The following PDZRN4 variants were observed in gnomAD, a reference collection of about 807,000 sequenced individuals.
The protein encoded by PDZRN4 is PDZ domain containing ring finger 4.
In PDZRN4, 70 loss-of-function variants were observed where a neutral mutation model predicts 99.0. That is an observed-to-expected ratio of 0.71 (90% confidence interval 0.58 to 0.86). PDZRN4 has a LOEUF of 0.86. PDZRN4 is among the 40% of genes least tolerant of loss of function. PDZRN4 has a pLI of 0.00. For missense variants in PDZRN4, 1,474 were observed against 1,331.2 expected, an observed-to-expected ratio of 1.11 and a Z score of -1.67; for synonymous variants, 551 against 501.6, an observed-to-expected ratio of 1.10 and a Z score of -1.32.
chr12:41,545,463 A>G (rs1173165787), intron 5 of PDZRN4, among the ~76,000 whole-genome samples: 2 of 151,422 alleles, frequency 1.3e-5, no homozygotes, highest in African/African-American at 2.4e-5. Context: ...ACTGACTACC[A>G]TGTCCACAAG....
chr12:41,544,413 G>A (rs539463275), intron 5 of PDZRN4, among the ~76,000 whole-genome samples: 22 of 152,232 alleles, frequency 1.4e-4, no homozygotes, highest in Non-Finnish European at 2.9e-4. Flanking sequence ...ACCCAACTTC[G>A]CTTTAGCAGT....
At chr12:41,414,041 G>GA (rs911189629) in intron 3 of PDZRN4, among the ~76,000 whole-genome samples, 3 of 151,848 alleles carry the variant, frequency 2.0e-5, no homozygotes, top group South Asian at 2.1e-4. Context: ...TTGCTTGTCT[G>GA]AAAAAAAATT....
At chr12:41,268,730 A>G (rs753112888) in intron 3 of PDZRN4, among the ~76,000 whole-genome samples, 14 of 152,228 alleles carry the variant, frequency 9.2e-5, no homozygotes, top group Admixed American at 1.3e-4. Context: ...AGTCAGACTA[A>G]TGAAATCTCC....
chr12:41,545,962 G>A (rs1236625810), intron 5 of PDZRN4, among the ~76,000 whole-genome samples: 1 of 152,038 alleles, frequency 6.6e-6, no homozygotes, highest in Non-Finnish European at 1.5e-5. Context: ...TGAACTATCA[G>A]ATAACGTCAT....
intron 3 of PDZRN4, among the ~76,000 whole-genome samples, chr12:41,419,602 C>G (rs1464207606): frequency 2.0e-5 from 3 of 152,142 alleles, no homozygotes; most frequent in Non-Finnish European, 4.4e-5. Flanking sequence ...GAAAACCCAA[C>G]TAGTATTACA....
intron 3 of PDZRN4, among the ~76,000 whole-genome samples, chr12:41,292,154 T>C (rs891555405): frequency 6.6e-5 from 10 of 152,202 alleles, no homozygotes; most frequent in African/African-American, 1.7e-4. Flanking sequence ...ATGTAATCCA[T>C]ATTTACAACT....
intron 3 of PDZRN4, among the ~76,000 whole-genome samples, chr12:41,413,818 G>A (rs1016048746): frequency 1.3e-4 from 20 of 152,080 alleles, no homozygotes; most frequent in Non-Finnish European, 2.5e-4. Flanking sequence ...TTACATTCAA[G>A]GTTAATATTG....
At position 41,188,598 on chromosome 12, in the gene PDZRN4, GGAGGCGCCGGTGCCC is replaced by G. The variant is rs1423178978; in HGVS notation, c.145_159del (p.Arg49_Pro53del). The G allele has an allele frequency of 1.2e-5, 19 of 1,540,366 alleles. No individual in the cohort carries two copies. Among genetic ancestry groups the G allele is most frequent in the African/African-American group, 4.1e-5 (3 of 73,240 alleles). On this transcript the variant is annotated inframe_deletion, in exon 1 of 10. Transcript: ENST00000402685. The stretch of plus-strand genomic sequence containing the variant: ...AGCTGCCTGTTGCCCTGGGCGGTGC[GGAGGCGCCGGTGCCC>G]GCTGCAGTGCCAGCCCTTGGCGCCC...
intron 3 of PDZRN4, among the ~76,000 whole-genome samples, chr12:41,197,232 G>C (rs1175816568): frequency 6.6e-6 from 1 of 152,002 alleles, no homozygotes; most frequent in Non-Finnish European, 1.5e-5. Flanking sequence ...TAAAGGTTTT[G>C]TTCTGTTGGT....
rs189312254 is a variant in PDZRN4 at position 41,404,891 on chromosome 12, G to A, written c.844-101565G>A. 7.2e-5 allele frequency among the ~76,000 whole-genome samples: 11 copies of A among 152,024 alleles called. No homozygotes were observed. The East Asian group carries it at 1.7e-3, about 24-fold the overall frequency. The stretch of plus-strand genomic sequence containing the variant: ...GCAATGGGGAAAGGACTCCCTATTC[G>A]ACAAATGATGCTGGGATAACTGGCT... On this transcript the variant is annotated intron_variant, in intron 3 of 9. Transcript: ENST00000402685.
chr12:41,303,549 A>C (rs1213020978), intron 3 of PDZRN4, among the ~76,000 whole-genome samples: 1 of 152,202 alleles, frequency 6.6e-6, no homozygotes, highest in African/African-American at 2.4e-5. Context: ...ACATTCAGTT[A>C]GGTTTCCACA....
At chr12:41,313,590 C>G (rs747174313) in intron 3 of PDZRN4, among the ~76,000 whole-genome samples, 2 of 152,152 alleles carry the variant, frequency 1.3e-5, no homozygotes, top group Non-Finnish European at 2.9e-5. Context: ...CACTAATAGG[C>G]ACCTCTGTTG....
At chr12:41,356,935 AC>A (rs1242780111) in intron 3 of PDZRN4, among the ~76,000 whole-genome samples, 1 of 152,018 alleles carries the variant, frequency 6.6e-6, no homozygotes, top group African/African-American at 2.4e-5. Flanking sequence ...ACTTAGGTTT[AC>A]CAATCTGCAA....
In PDZRN4 at chr12:41,334,356, AGAAG is replaced by A. The variant is rs1241416023; in HGVS notation, c.843+140169_843+140172del. Among the ~76,000 whole-genome samples, 7 of 150,436 alleles carry A rather than the reference AGAAG, an allele frequency of 4.7e-5. No homozygotes were observed. The Admixed American group carries it at 4.7e-4, about 10-fold the overall frequency. On this transcript the variant is annotated intron_variant, in intron 3 of 9. Coordinates refer to ENST00000402685, the MANE Select transcript of PDZRN4 (RefSeq NM_001164595.2). ...AGTATACTAAATATAATGAAGCTTT[AGAAG>A]TATTCAGTGGGGAACATTAATGAAA...
chr12:41,224,772 G>C (rs1253651398), intron 3 of PDZRN4, among the ~76,000 whole-genome samples: 1 of 152,066 alleles, frequency 6.6e-6, no homozygotes, highest in East Asian at 1.9e-4. Context: ...ATAACAACAA[G>C]AGCTGCAACA....
At chr12:41,403,317 A>G (rs538438546) in intron 3 of PDZRN4, among the ~76,000 whole-genome samples, 2 of 152,154 alleles carry the variant, frequency 1.3e-5, no homozygotes, top group Non-Finnish European at 2.9e-5. Flanking sequence ...CATAACTTCA[A>G]TTGTAAAACA....
intron 3 of PDZRN4, among the ~76,000 whole-genome samples, chr12:41,270,186 C>A (rs67467631): frequency 0.17 from 25,484 of 151,794 alleles, 3,180 homozygotes; most frequent in African/African-American, 0.35. Context: ...AAATTAAATG[C>A]GCTAATAGAT....
At chr12:41,543,869 GCACT>G (rs1346395848) in intron 5 of PDZRN4, among the ~76,000 whole-genome samples, 2 of 152,096 alleles carry the variant, frequency 1.3e-5, no homozygotes, top group Non-Finnish European at 2.9e-5. Context: ...TAAATAAAAT[GCACT>G]CATTAGCTAA....
intron 3 of PDZRN4, among the ~76,000 whole-genome samples, chr12:41,285,866 G>A (rs150337429): frequency 3.4e-4 from 52 of 152,216 alleles, no homozygotes; most frequent in African/African-American, 1.2e-3. Context: ...TGGTGGGCAA[G>A]GGGAGGGAGA....
Sources: gnomAD v4.1 joint callset for allele counts (sites outside exome capture counted in the v4.1 genomes callset) on GRCh38, gnomAD v4.1.1 for gene constraint, MANE v1.5 for transcripts, NCBI Gene and HGNC (gene_info 2026-07-23, HGNC 2026-07-21) for gene names.